Variants in KCNIP4 observed in about 807,000 individuals in gnomAD.
The protein encoded by KCNIP4 is potassium voltage-gated channel interacting protein 4.
Under a neutral mutation model 34.0 loss-of-function variants are expected in KCNIP4, and 12 were observed. The ratio of observed to expected loss-of-function variants is 0.35; its 90% confidence interval spans 0.23 to 0.57. KCNIP4 has a LOEUF of 0.57. Among genes scored for constraint, KCNIP4 ranks in the 20% least tolerant of loss-of-function variants. The pLI, the probability that KCNIP4 is intolerant of heterozygous loss-of-function variation, is 0.83. For synonymous variants in KCNIP4, 124 were observed against 102.2 expected (o/e 1.21, Z -1.29); for missense variants, 238 against 311.7 (o/e 0.76, Z 1.78).
At chr4:21,870,623 T>C (rs2109365316) in intron 1 of KCNIP4, among the ~76,000 whole-genome samples, 1 of 152,228 alleles carries the variant, frequency 6.6e-6, no homozygotes, top group East Asian at 1.9e-4. Flanking sequence ...CTATCTGCCA[T>C]CTCTCCCTTT....
intron 1 of KCNIP4, among the ~76,000 whole-genome samples, chr4:21,610,681 T>C (rs1744083544): frequency 6.6e-6 from 1 of 152,120 alleles, no homozygotes; most frequent in Non-Finnish European, 1.5e-5. Flanking sequence ...AGTTTATTCA[T>C]ACATTTTCAT....
chr4:21,466,803 G>T (rs1291170324), intron 1 of KCNIP4, among the ~76,000 whole-genome samples: 1 of 151,894 alleles, frequency 6.6e-6, no homozygotes, highest in Non-Finnish European at 1.5e-5. Context: ...CAGCAAGCAT[G>T]GCCTCATCCC....
intron 1 of KCNIP4, among the ~76,000 whole-genome samples, chr4:21,035,451 G>T (rs575677103): frequency 9.9e-5 from 15 of 152,276 alleles, no homozygotes; most frequent in African/African-American, 3.6e-4. Context: ...GTGGCTCTGA[G>T]ATTTACAGCA....
chr4:21,239,631 T>C (rs1489227345), intron 1 of KCNIP4, among the ~76,000 whole-genome samples: 1 of 152,166 alleles, frequency 6.6e-6, no homozygotes, highest in African/African-American at 2.4e-5. Flanking sequence ...AAAATGCTCA[T>C]CATCACTGAC....
chr4:20,928,911 A>G (rs1730163131), intron 1 of KCNIP4, among the ~76,000 whole-genome samples: 1 of 152,110 alleles, frequency 6.6e-6, no homozygotes, highest in Admixed American at 6.5e-5. Flanking sequence ...AAACTTTGCA[A>G]CAAAGAAAAG....
chr4:20,869,816 A>G (rs1577286660), intron 2 of KCNIP4, among the ~76,000 whole-genome samples: 2 of 152,190 alleles, frequency 1.3e-5, no homozygotes, highest in African/African-American at 2.4e-5. Flanking sequence ...GGGGTCTAAC[A>G]CAGCACTTTC....
At chr4:21,166,263 A>G (rs959655511) in intron 1 of KCNIP4, among the ~76,000 whole-genome samples, 4 of 152,218 alleles carry the variant, frequency 2.6e-5, no homozygotes, top group African/African-American at 9.6e-5. Context: ...GTTTGAGCAG[A>G]CACTTCCACC....
At chr4:20,941,731 C>A (rs1048821263) in intron 1 of KCNIP4, among the ~76,000 whole-genome samples, 1 of 152,126 alleles carries the variant, frequency 6.6e-6, no homozygotes, top group African/African-American at 2.4e-5. Flanking sequence ...TGTAATAGAG[C>A]TCACTGACAA....
chr4:20,996,431 C>T lies in KCNIP4; in HGVS notation c.62-113722G>A, dbSNP rs116347660. ...TCAATTCAGACCAATGTAATCCTGT[C>T]CCACACCTCCTCATCACAGTTCTCT... On this transcript the variant is annotated intron_variant, in intron 1 of 8. Transcript: ENST00000382152. 3.1e-3 allele frequency among the ~76,000 whole-genome samples: 469 copies of T among 152,282 alleles called. 3 individuals carry two copies. Among genetic ancestry groups the T allele is most frequent in the African/African-American group, 0.011 (446 of 41,560 alleles).
intron 1 of KCNIP4, among the ~76,000 whole-genome samples, chr4:21,668,439 T>C (rs778178153): frequency 4.6e-5 from 7 of 152,216 alleles, no homozygotes; most frequent in African/African-American, 1.2e-4. Context: ...ATGTGCTTCT[T>C]ACATTTTTAT....
chr4:21,801,366 T>C (rs1720983227), intron 1 of KCNIP4, among the ~76,000 whole-genome samples: 1 of 152,164 alleles, frequency 6.6e-6, no homozygotes, highest in South Asian at 2.1e-4. Context: ...CAACCTCTAG[T>C]TGCCAAAAGA....
chr4:21,246,673 T>C (rs1760224161), intron 1 of KCNIP4, among the ~76,000 whole-genome samples: 1 of 152,138 alleles, frequency 6.6e-6, no homozygotes, highest in African/African-American at 2.4e-5. Flanking sequence ...CATAGTGCAA[T>C]GCTTCCATTG....
chr4:20,850,338 T>C (rs1720871767), intron 3 of KCNIP4: 1 of 462,346 alleles, frequency 2.2e-6, no homozygotes. Flanking sequence ...CTTTGTTTAA[T>C]GGGCAATCAC....
chr4:21,037,119 A>G (rs375748481), intron 1 of KCNIP4, among the ~76,000 whole-genome samples: 27 of 152,226 alleles, frequency 1.8e-4, no homozygotes, highest in African/African-American at 6.3e-4. Context: ...AAGTGTGGTT[A>G]TTATGAAAGA....
intron 1 of KCNIP4, among the ~76,000 whole-genome samples, chr4:21,650,875 G>T (rs1046597108): frequency 6.6e-6 from 1 of 152,122 alleles, no homozygotes; most frequent in African/African-American, 2.4e-5. Flanking sequence ...CTTTGCAATT[G>T]TAAGACAAGA....
At chr4:21,117,470 G>A (rs1309623689) in intron 1 of KCNIP4, among the ~76,000 whole-genome samples, 2 of 152,080 alleles carry the variant, frequency 1.3e-5, no homozygotes, top group East Asian at 1.9e-4. Context: ...GGTTCTGAGA[G>A]TTCCATTTAA....
chr4:21,558,185 G>A (rs951323441), intron 1 of KCNIP4, among the ~76,000 whole-genome samples: 4 of 152,128 alleles, frequency 2.6e-5, no homozygotes, highest in African/African-American at 9.7e-5. Context: ...CAAGTATTAT[G>A]CCTGTTACCT....
At chr4:20,982,419 C>A (rs1457744846) in intron 1 of KCNIP4, among the ~76,000 whole-genome samples, 3 of 152,112 alleles carry the variant, frequency 2.0e-5, no homozygotes, top group African/African-American at 4.8e-5. Context: ...CAAGAGAATG[C>A]AAAATTGTGT....
At chr4:20,771,207 A>T (rs1042754490) in intron 3 of KCNIP4, among the ~76,000 whole-genome samples, 6 of 152,114 alleles carry the variant, frequency 3.9e-5, no homozygotes, top group African/African-American at 1.4e-4. Context: ...ATATGTTCAT[A>T]TATATATACA....
Sources: allele counts gnomAD v4.1 joint callset (sites outside exome capture counted in the v4.1 genomes callset), GRCh38; gene constraint gnomAD v4.1.1; transcripts MANE v1.5; gene names NCBI Gene and HGNC (gene_info 2026-07-23, HGNC 2026-07-21).